RIC1: variants seen among roughly 807,000 people sequenced by gnomAD.
RIC1 encodes the protein RIC1 partner of RAB6A GEF complex.
In RIC1, 88 loss-of-function variants were observed where a neutral mutation model predicts 169.0. The ratio of observed to expected loss-of-function variants is 0.52; its 90% CI spans 0.44 to 0.62. The LOEUF (loss-of-function observed/expected upper bound fraction) is 0.62, where lower values mean the gene tolerates loss of function less well. RIC1 is among the 20% of genes least tolerant of loss of function. The pLI is 0.00. For synonymous variants in RIC1, 790 were observed against 601.5 expected, an observed-to-expected ratio of 1.31 and a Z score of -4.59; for missense variants, 1,877 against 1,725.5, an observed-to-expected ratio of 1.09 and a Z score of -1.56.
chr9:5,711,568 T>TA (rs1822926700), intron 3 of RIC1, among the ~76,000 whole-genome samples: 12 of 146,940 alleles, frequency 8.2e-5, no homozygotes, highest in Admixed American at 7.5e-4. Flanking sequence ...TTATCTTTAT[T>TA]TTATATATAT....
chr9:5,778,128 C>T (rs1173310981), downstream of RIC1, among the ~76,000 whole-genome samples: 1 of 152,114 alleles, frequency 6.6e-6, no homozygotes, highest in Non-Finnish European at 1.5e-5. Context: ...TGTCTTTTAA[C>T]AGTGGATTAT....
At chr9:5,674,554 C>T (rs1460290834) in intron 2 of RIC1, among the ~76,000 whole-genome samples, 1 of 152,162 alleles carries the variant, frequency 6.6e-6, no homozygotes, top group African/African-American at 2.4e-5. Flanking sequence ...AAAGCCCAGT[C>T]ATGCAAGAAA....
intron 3 of RIC1, among the ~76,000 whole-genome samples, chr9:5,694,369 C>T (rs777882450): frequency 8.5e-5 from 13 of 152,058 alleles, no homozygotes; most frequent in Non-Finnish European, 1.5e-4. Context: ...ACTTTTTCCC[C>T]GTATTTCTAA....
rs903675088 is a variant in RIC1, at chr9:5,776,269, T to A, written c.*2023T>A. ...AAGTTTGGCAGGTTTACAGAAAATTTGGTAATTTATTTGTTATATACCTTA... is the reference window on the plus strand; with the variant it reads ...AAGTTTGGCAGGTTTACAGAAAATTAGGTAATTTATTTGTTATATACCTTA... On this transcript the variant is annotated 3_prime_UTR_variant, in exon 26 of 26. Coordinates refer to ENST00000414202, the MANE Select transcript of RIC1 (RefSeq NM_020829.4). 6.6e-6 allele frequency: 1 copy of A among 152,182 alleles called. No individual in the cohort carries two copies. The highest frequency in any genetic ancestry group is 1.9e-4 in the East Asian group (1 of 5,200). The allele number at this position is 152,182 out of a possible 1,614,324, so 9.4% of individuals were successfully genotyped here. A position where few individuals can be genotyped will look rare whatever the true frequency, so the allele number is the denominator to read the frequency against.
In RIC1 at chr9:5,632,309, C is replaced by T. The variant is rs142260359; in HGVS notation, c.144+2856C>T. Among the ~76,000 whole-genome samples, 92 of 152,274 alleles carry T rather than the reference C, an allele frequency of 6.0e-4. 1 individual carries two copies. Among genetic ancestry groups the T allele is most frequent in the African/African-American group, 1.9e-3 (81 of 41,546 alleles). On this transcript the variant is annotated intron_variant, in intron 1 of 25. Coordinates refer to ENST00000414202, the MANE Select transcript of RIC1 (RefSeq NM_020829.4). ...AAGAATTGTGGAAATTGTATGTGTA[C>T]AGTGATAATTCATAAGACTGAATCT...
downstream of RIC1, among the ~76,000 whole-genome samples, chr9:5,777,439 C>G: frequency 6.6e-6 from 1 of 150,622 alleles, no homozygotes; most frequent in East Asian, 1.9e-4. Flanking sequence ...GAGAATACAA[C>G]AGAAGTCTGA....
At chr9:5,679,396 T>TG (rs1474559881) in intron 2 of RIC1, among the ~76,000 whole-genome samples, 1 of 152,216 alleles carries the variant, frequency 6.6e-6, no homozygotes, top group African/African-American at 2.4e-5. Flanking sequence ...GGTAGCTTGA[T>TG]GGGGATGGCA....
At chr9:5,743,056 T>C in intron 9 of RIC1, 43 bp downstream of exon 9, 1 of 1,569,640 alleles carries the variant, frequency 6.4e-7, no homozygotes, top group African/African-American at 1.4e-5. Flanking sequence ...AACTCCATTA[T>C]TTCTCACAAT....
chr9:5,763,261 G>C lies in RIC1; in HGVS notation c.2234G>C (p.Gly745Ala). The C allele has an allele frequency of 6.2e-7, 1 of 1,614,088 alleles. No homozygotes were observed. Among genetic ancestry groups the C allele is most frequent in the Non-Finnish European group, 8.5e-7 (1 of 1,180,008 alleles). Residue 745 changes from glycine to alanine, a missense_variant, in exon 19 of 26, where the codon GGG becomes GCG. By Grantham distance (60) the Gly-to-Ala change is moderately conservative. Around this residue, in one of 3 missense-constraint regions of RIC1, gnomAD observed 1,104 missense variants for 992.0 expected, o/e 1.11. Transcript: ENST00000414202. The surrounding 1 kb of genome is among the most constrained non-coding windows in gnomAD (Gnocchi z 5.2). ...CTCTGGCTGAGCTGTGGTGGTGCAG[G>C]GATGAAAGTTTGGCTCCCTCTCTTC... ...EALWLSCGGAGMKVWLPLFPR... is the reference protein window; with the variant it reads ...EALWLSCGGAAMKVWLPLFPR...
chr9:5,744,892 C>G (rs1177296773), intron 10 of RIC1, among the ~76,000 whole-genome samples: 1 of 152,128 alleles, frequency 6.6e-6, no homozygotes, highest in East Asian at 1.9e-4. Context: ...AAATTAGTGA[C>G]TATGAGGCTT....
downstream of RIC1, among the ~76,000 whole-genome samples, chr9:5,777,429 G>A (rs1827649929): frequency 6.6e-6 from 1 of 150,988 alleles, no homozygotes; most frequent in Non-Finnish European, 1.5e-5. Context: ...ATTGAGTGGT[G>A]AGAATACAAC....
chr9:5,720,443 G>A (rs554399072), intron 5 of RIC1, 119 bp downstream of exon 5: 1 of 1,188,972 alleles, frequency 8.4e-7, no homozygotes, highest in South Asian at 1.5e-5. Context: ...GGTGGGCAGA[G>A]TATGAGAGGC....
At chr9:5,722,043 C>G (rs1298618112) in intron 6 of RIC1, among the ~76,000 whole-genome samples, 1 of 151,888 alleles carries the variant, frequency 6.6e-6, no homozygotes, top group African/African-American at 2.4e-5. Flanking sequence ...CATGCACCAC[C>G]ACGCCCGCCT....
chr9:5,768,527 T>C (rs568701508), intron 21 of RIC1, among the ~76,000 whole-genome samples: 1 of 152,248 alleles, frequency 6.6e-6, no homozygotes, highest in African/African-American at 2.4e-5. Flanking sequence ...AACCTTGTCA[T>C]TTAAGAAAAA....
chr9:5,665,560 T>C (rs558000766), intron 2 of RIC1, among the ~76,000 whole-genome samples: 1 of 152,302 alleles, frequency 6.6e-6, no homozygotes, highest in African/African-American at 2.4e-5. Context: ...TTGATTAATT[T>C]CTTATCTTTG....
At chr9:5,776,922 C>G (rs1044932907), downstream of RIC1, among the ~76,000 whole-genome samples, 3 of 152,028 alleles carry the variant, frequency 2.0e-5, no homozygotes, top group African/African-American at 7.2e-5. Context: ...TGACTTTTTC[C>G]CATTTTCCTA....
chr9:5,772,703 G>A lies in RIC1; in HGVS notation c.3756G>A (p.Leu1252=). The A allele has an allele frequency of 1.1e-5, 17 of 1,611,460 alleles. No individual in the cohort carries two copies. The highest frequency in any genetic ancestry group is 1.4e-5 in the Non-Finnish European group (17 of 1,179,356). The change falls in exon 24 of 26, where the codon TTG becomes TTA. Residue 1252 remains leucine, a synonymous_variant. Coordinates refer to ENST00000414202, the MANE Select transcript of RIC1 (RefSeq NM_020829.4). ...AGCTGGAGCACATTTCCATGGAGTT[G>A]GCCAGTAAAGGGCCTCATAAATCCC... ...QSELEHISME[L]ASKGPHKSQV...
At chr9:5,759,584 G>A (rs1209642355) in intron 17 of RIC1, among the ~76,000 whole-genome samples, 6 of 152,166 alleles carry the variant, frequency 3.9e-5, no homozygotes, top group African/African-American at 1.2e-4. Flanking sequence ...GCTATGAAAA[G>A]ACACTGTTGA....
At chr9:5,683,104 T>C (rs1396514759) in intron 2 of RIC1, among the ~76,000 whole-genome samples, 2 of 151,932 alleles carry the variant, frequency 1.3e-5, no homozygotes, top group Non-Finnish European at 2.9e-5. Flanking sequence ...TTGCCATTGG[T>C]TCGCACAGAG....
Sources: allele counts gnomAD v4.1 joint callset (sites outside exome capture counted in the v4.1 genomes callset), GRCh38; gene constraint gnomAD v4.1.1; regional missense constraint gnomAD v4.1.1; non-coding constraint Gnocchi (gnomAD v3.1); transcripts MANE v1.5; gene names NCBI Gene and HGNC (gene_info 2026-07-23, HGNC 2026-07-21).